TTLL10: variants seen among roughly 807,000 people sequenced by gnomAD.
TTLL10 encodes inactive polyglycylase TTLL10.
A neutral mutation model predicts 69.0 loss-of-function variants in TTLL10; 61 were observed. The ratio of observed to expected loss-of-function variants is 0.88; its 90% CI spans 0.72 to 1.09. TTLL10 has a LOEUF of 1.09. TTLL10 is among the 50% of genes least tolerant of loss of function. The pLI, the probability that TTLL10 is intolerant of heterozygous loss-of-function variation, is 0.00. For synonymous variants in TTLL10, 408 were observed against 393.3 expected (o/e 1.04, Z -0.44); for missense variants, 962 against 945.9 (o/e 1.02, Z -0.22).
intron 11 of TTLL10, among the ~76,000 whole-genome samples, chr1:1,183,470 C>T (rs138075510): frequency 1.8e-3 from 272 of 152,270 alleles, no homozygotes; most frequent in African/African-American, 6.1e-3. Context: ...TTAGACCTGT[C>T]GACCTCACCC....
At chr1:1,191,127 A>G (rs565106566) in intron 13 of TTLL10, among the ~76,000 whole-genome samples, 17 of 152,316 alleles carry the variant, frequency 1.1e-4, no homozygotes, top group Non-Finnish European at 2.5e-4. Context: ...GCTGCAAAGT[A>G]TTTTAAATTT....
chr1:1,197,557 G>C lies in TTLL10; in HGVS notation c.1732G>C (p.Gly578Arg), dbSNP rs988615556. 99 of 1,519,084 alleles carry C rather than the reference G, an allele frequency of 6.5e-5. No individual in the cohort carries two copies. In the African/African-American group the frequency reaches 1.0e-3, roughly 16 times the overall value. The allele number at this position is 1,519,084 out of a possible 1,614,324, so 94.1% of individuals were successfully genotyped here. A position where few individuals can be genotyped will look rare whatever the true frequency, so the allele number is the denominator to read the frequency against. ...GEADPRPHLG[G>R]SCSLRRWPPL... The stretch of plus-strand genomic sequence containing the variant: ...GGCCGACCCGCGGCCGCACCTGGGG[G>C]GCTCGTGCAGCCTCCGCCGCTGGCC... The change falls in exon 16 of 16, where the codon GGC (glycine) becomes CGC (arginine). Residue 578 changes from glycine (G) to arginine (R), a missense_variant. Gly to Arg is a moderately radical substitution (Grantham distance 125). Coordinates refer to ENST00000379289, the MANE Select transcript of TTLL10 (RefSeq NM_001130045.2).
At chr1:1,191,404 C>A in intron 13 of TTLL10, among the ~76,000 whole-genome samples, 1 of 152,062 alleles carries the variant, frequency 6.6e-6, no homozygotes. Flanking sequence ...CCAGCCTGGG[C>A]AACACAGCAA....
At chr1:1,179,492 G>A (rs1646974554) in intron 4 of TTLL10, 159 bp downstream of exon 4, 1 of 1,301,292 alleles carries the variant, frequency 7.7e-7, no homozygotes, top group African/African-American at 1.5e-5. Context: ...CCAGCTGTGG[G>A]CGCCGGGCTC....
chr1:1,182,282 C>A, intron 9 of TTLL10, 79 bp from the exon 10 acceptor site: 1 of 1,306,786 alleles, frequency 7.7e-7, no homozygotes, highest in Non-Finnish European at 1.1e-6. Context: ...CCCGCCGGGC[C>A]ACAGGCTGGG....
At chr1:1,179,905 G>A (rs995510262) in intron 5 of TTLL10, 129 bp from the exon 6 acceptor site, 1 of 1,437,524 alleles carries the variant, frequency 7.0e-7, no homozygotes, top group Non-Finnish European at 9.1e-7. Context: ...CTGAACTTGA[G>A]CCCCAGACGG....
At chr1:1,183,448 G>A (rs908782783) in intron 11 of TTLL10, among the ~76,000 whole-genome samples, 5 of 152,060 alleles carry the variant, frequency 3.3e-5, no homozygotes, top group East Asian at 3.9e-4. Flanking sequence ...GTGGCTGCAC[G>A]AGGCTGAAGG....
chr1:1,177,958 C>T (rs369249147), intron 3 of TTLL10, among the ~76,000 whole-genome samples: 22 of 152,274 alleles, frequency 1.4e-4, no homozygotes, highest in African/African-American at 5.1e-4. Flanking sequence ...GCCTGTGTTC[C>T]GCTCCTCCCT....
At chr1:1,179,871 C>T (rs532515267) in intron 5 of TTLL10, 134 bp downstream of exon 5, 11 of 1,440,278 alleles carry the variant, frequency 7.6e-6, no homozygotes, top group Admixed American at 2.8e-5. Context: ...GTCCCCAGGC[C>T]GCCTGGTGGG....
chr1:1,197,332 C>T (rs1648292733), intron 15 of TTLL10, 106 bp from the exon 16 acceptor site: 2 of 1,298,568 alleles, frequency 1.5e-6, no homozygotes, highest in Admixed American at 4.2e-5. Context: ...CTGCCCCAAC[C>T]TTCCCCACAC....
chr1:1,193,748 A>G (rs1648006643), intron 13 of TTLL10, among the ~76,000 whole-genome samples: 1 of 152,172 alleles, frequency 6.6e-6, no homozygotes, highest in Non-Finnish European at 1.5e-5. Context: ...TACAGGCGTG[A>G]GCCACCACGC....
At chr1:1,176,359 G>A (rs9728469) in intron 3 of TTLL10, 1 of 452,462 alleles carries the variant, frequency 2.2e-6, no homozygotes, top group South Asian at 1.6e-5. Context: ...CTGACGCTGT[G>A]CAGCTGGAGA....
Position 1,185,023 on chromosome 1 carries a change from A to G in TTLL10, c.1315A>G (p.Ser439Gly), listed in dbSNP as rs1647216133. The G allele has an allele frequency of 1.2e-6, 2 of 1,613,912 alleles. No individual in the cohort carries two copies. Among genetic ancestry groups the G allele is most frequent in the South Asian group, 2.2e-5 (2 of 91,056 alleles). Residue 439 changes from serine to glycine, a missense_variant, in exon 13 of 16, where the codon AGC becomes GGC. Ser to Gly is a moderately conservative substitution (Grantham distance 56). Coordinates refer to ENST00000379289, the MANE Select transcript of TTLL10 (RefSeq NM_001130045.2). This position sits in a 1 kb window ranked among gnomAD's most constrained non-coding sequence, Gnocchi z 6.1. ...YMLLKEHTVW[S>G]MEHLNRYISD... ...GCTGCTGAAGGAGCACACGGTGTGG[A>G]GCATGGAACACCTCAACCGCTACAT...
In TTLL10 at chr1:1,197,744, C is replaced by A; in HGVS notation, c.1919C>A (p.Pro640Gln). 6.5e-7 allele frequency: 1 copy of A among 1,535,052 alleles called. No individual in the cohort carries two copies. The highest frequency in any genetic ancestry group is 8.7e-7 in the Non-Finnish European group (1 of 1,142,944). The change falls in exon 16 of 16, where the codon CCG (proline) becomes CAG (glutamine). Residue 640 changes from proline (P) to glutamine (Q), a missense_variant. Coordinates refer to ENST00000379289, the MANE Select transcript of TTLL10 (RefSeq NM_001130045.2). Reference sequence around the variant, plus strand: ...GCCCACGATGGGGAGCCCCAGGCCCCGGGCACGGAGCAGTCGGGCACAGGC... The same window carrying A: ...GCCCACGATGGGGAGCCCCAGGCCCAGGGCACGGAGCAGTCGGGCACAGGC... The part of the protein sequence containing the change: ...DSAHDGEPQA[P>Q]GTEQSGTGNR...
Position 1,181,623 on chromosome 1 carries a change from T to A in TTLL10, c.756-118T>A. ...CACCGCCGTCCACCCAGCCACCTCCTTCCACCACAACTCACAGTCCGCCCA... is the reference window on the plus strand; with the variant it reads ...CACCGCCGTCCACCCAGCCACCTCCATCCACCACAACTCACAGTCCGCCCA... On this transcript the variant is annotated intron_variant, in intron 8 of 15. Coordinates refer to ENST00000379289, the MANE Select transcript of TTLL10 (RefSeq NM_001130045.2). This position sits in a 1 kb window ranked among gnomAD's most constrained non-coding sequence, Gnocchi z 4.6. 1 of 932,680 alleles carries A rather than the reference T, an allele frequency of 1.1e-6. No individual in the cohort carries two copies. The highest frequency in any genetic ancestry group is 1.6e-6 in the Non-Finnish European group (1 of 616,790). 57.8% of individuals were successfully genotyped at this position (932,680 alleles called of 1,614,324 possible).
At chr1:1,177,939 G>A (rs1220520840) in intron 3 of TTLL10, among the ~76,000 whole-genome samples, 1 of 152,130 alleles carries the variant, frequency 6.6e-6, no homozygotes, top group Admixed American at 6.5e-5. Context: ...GACACAGGTG[G>A]GGGGCCCAGC....
In TTLL10 at chr1:1,181,019, C is replaced by T; in HGVS notation, c.755+159C>T. On this transcript the variant is annotated intron_variant, in intron 8 of 15. Transcript: ENST00000379289. This position sits in a 1 kb window ranked among gnomAD's most constrained non-coding sequence, Gnocchi z 4.6. Reference sequence around the variant, plus strand: ...TCCCAGGCTGGCTCCAGCCCCTGCCCCTGCCCTTGCCCCTGCCCCTGGCCA... The same window carrying T: ...TCCCAGGCTGGCTCCAGCCCCTGCCTCTGCCCTTGCCCCTGCCCCTGGCCA... 3.4e-6 allele frequency: 2 copies of T among 584,232 alleles called. No individual in the cohort carries two copies. Among genetic ancestry groups the T allele is most frequent in the Non-Finnish European group, 5.4e-6 (2 of 367,356 alleles). The allele number at this position is 584,232 out of a possible 1,614,324, so 36.2% of individuals were successfully genotyped here. A position where few individuals can be genotyped will look rare whatever the true frequency, so the allele number is the denominator to read the frequency against.
intron 13 of TTLL10, among the ~76,000 whole-genome samples, chr1:1,188,494 T>C (rs1188042307): frequency 2.0e-5 from 3 of 150,844 alleles, no homozygotes; most frequent in Admixed American, 1.3e-4. Flanking sequence ...CAGCCTCGCC[T>C]CCCAGGTTCA....
At position 1,185,155 on chromosome 1, in the gene TTLL10, C is replaced by CG; in HGVS notation, c.1401+51dup. 1 of 1,596,186 alleles carries CG rather than the reference C, an allele frequency of 6.3e-7. No homozygotes were observed. Among genetic ancestry groups the CG allele is most frequent in the Non-Finnish European group, 8.5e-7 (1 of 1,169,598 alleles). ...AGTCTGGGAGTGAGATCCCTCGGGG[C>CG]GGGGGTGTGTGGTCAGGCTGGGCAC... On this transcript the variant is annotated intron_variant, in intron 13 of 15. Transcript: ENST00000379289. This position sits in a 1 kb window ranked among gnomAD's most constrained non-coding sequence, Gnocchi z 6.1.
Sources: gnomAD v4.1 joint callset for allele counts (sites outside exome capture counted in the v4.1 genomes callset) on GRCh38, gnomAD v4.1.1 for gene constraint, Gnocchi (gnomAD v3.1) non-coding constraint, MANE v1.5 for transcripts, NCBI Gene and HGNC (gene_info 2026-07-23, HGNC 2026-07-21) for gene names.